CTNND2: variants seen among roughly 807,000 people sequenced by gnomAD.
CTNND2 encodes catenin delta 2.
A neutral mutation model predicts 144.4 loss-of-function variants in CTNND2; 22 were observed. The observed-to-expected ratio is 0.15, with a 90% CI of 0.11 to 0.22. The LOEUF (loss-of-function observed/expected upper bound fraction) is 0.22, where lower values mean the gene tolerates loss of function less well. CTNND2 is among the 10% of genes least tolerant of loss of function. The pLI is 1.00. For missense variants in CTNND2, 1,353 were observed against 1,618.8 expected, an observed-to-expected ratio of 0.84 and a Z score of 2.82; for synonymous variants, 751 against 695.6, an observed-to-expected ratio of 1.08 and a Z score of -1.25.
intron 12 of CTNND2, among the ~76,000 whole-genome samples, chr5:11,128,803 ATACAAT>A (rs1319050927): frequency 5.4e-5 from 1 of 18,496 alleles, no homozygotes; most frequent in African/African-American, 1.7e-4. Flanking sequence ...TATTATATAT[ATACAAT>A]ATATATAATA....
rs1189094625 is a variant in CTNND2 at position 11,128,981 on chromosome 5, AT to A, written c.2160-11415del. The stretch of plus-strand genomic sequence containing the variant: ...AATATATATAATATATAATATATAA[AT>A]ATATATAATATATAATATATAAATA... On this transcript the variant is annotated intron_variant, in intron 12 of 21. Coordinates refer to ENST00000304623, the MANE Select transcript of CTNND2 (RefSeq NM_001332.4). Among the ~76,000 whole-genome samples the A allele has an allele frequency of 9.0e-3, 290 of 32,100 alleles. 45 individuals carry two copies. The highest frequency in any genetic ancestry group is 0.014 in the Admixed American group (20 of 1,386). 21.1% of individuals were successfully genotyped at this position (32,100 alleles called of 152,430 possible).
At chr5:11,823,367 G>T (rs1368434136) in intron 1 of CTNND2, among the ~76,000 whole-genome samples, 2 of 152,144 alleles carry the variant, frequency 1.3e-5, no homozygotes, top group Admixed American at 6.5e-5. Context: ...ATCACGAATT[G>T]TATTGACTCA....
At chr5:11,725,601 G>A (rs147333882) in intron 2 of CTNND2, among the ~76,000 whole-genome samples, 1,784 of 152,186 alleles carry the variant, frequency 0.012, 18 homozygotes, top group Non-Finnish European at 0.018. Flanking sequence ...GTGTAGTGTA[G>A]TGGGGGGGAA....
chr5:11,513,487 G>A (rs1771848423), intron 3 of CTNND2, among the ~76,000 whole-genome samples: 1 of 152,042 alleles, frequency 6.6e-6, no homozygotes, highest in Admixed American at 6.6e-5. Flanking sequence ...CTATTCTCAG[G>A]TTCCTACGCT....
At chr5:11,082,237 A>G (rs1252884911) in intron 16 of CTNND2, among the ~76,000 whole-genome samples, 1 of 152,234 alleles carries the variant, frequency 6.6e-6, no homozygotes, top group Non-Finnish European at 1.5e-5. Context: ...CCTTATTAAT[A>G]AAAGATCCTC....
chr5:11,784,246 T>A (rs7444368), intron 1 of CTNND2, among the ~76,000 whole-genome samples: 130,786 of 152,220 alleles, frequency 0.86, 59,016 homozygotes, highest in South Asian at 0.99. Context: ...GGAATTCAAA[T>A]GGACAATGGG....
intron 1 of CTNND2, among the ~76,000 whole-genome samples, chr5:11,877,778 C>T (rs1025993853): frequency 6.6e-6 from 1 of 151,926 alleles, no homozygotes; most frequent in African/African-American, 2.4e-5. Context: ...CTCTTTAAGA[C>T]AAAATATAAG....
chr5:11,146,043 T>A (rs569777251), intron 12 of CTNND2, among the ~76,000 whole-genome samples: 1 of 152,154 alleles, frequency 6.6e-6, no homozygotes, highest in Non-Finnish European at 1.5e-5. Context: ...CATGGTTCCA[T>A]CCCCAGGAGC....
chr5:11,513,715 C>T (rs926938213), intron 3 of CTNND2, among the ~76,000 whole-genome samples: 3 of 151,980 alleles, frequency 2.0e-5, no homozygotes, highest in East Asian at 1.9e-4. Flanking sequence ...TCTTTAAGTA[C>T]GTCTTAATTT....
At chr5:11,474,833 G>A (rs192682790) in intron 3 of CTNND2, among the ~76,000 whole-genome samples, 12 of 152,214 alleles carry the variant, frequency 7.9e-5, no homozygotes, top group Middle Eastern at 3.4e-3. Flanking sequence ...AGCACTTGTC[G>A]TCATTATTAC....
intron 11 of CTNND2, among the ~76,000 whole-genome samples, chr5:11,168,978 T>C (rs1759630154): frequency 6.6e-6 from 1 of 152,212 alleles, no homozygotes; most frequent in Non-Finnish European, 1.5e-5. Context: ...TGTTAGACCA[T>C]GCTGAGACTG....
chr5:11,560,584 A>T (rs868536161), intron 3 of CTNND2, among the ~76,000 whole-genome samples: 1 of 152,196 alleles, frequency 6.6e-6, no homozygotes, highest in African/African-American at 2.4e-5. Context: ...CTTATGGTAA[A>T]GTCAATGGAG....
At chr5:11,779,165 G>A (rs565936281) in intron 1 of CTNND2, among the ~76,000 whole-genome samples, 5 of 152,264 alleles carry the variant, frequency 3.3e-5, no homozygotes, top group Non-Finnish European at 7.4e-5. Flanking sequence ...AAGAGGCAAG[G>A]AAAATCAGAA....
At chr5:10,990,865 C>T (rs1738598067) in intron 19 of CTNND2, among the ~76,000 whole-genome samples, 1 of 152,226 alleles carries the variant, frequency 6.6e-6, no homozygotes, top group Non-Finnish European at 1.5e-5. Context: ...CGAGAAAAGG[C>T]TGCTTCTCTC....
At chr5:11,646,388 C>T (rs185097784) in intron 2 of CTNND2, among the ~76,000 whole-genome samples, 7 of 152,274 alleles carry the variant, frequency 4.6e-5, no homozygotes, top group East Asian at 3.9e-4. Flanking sequence ...GACAGCAAAG[C>T]TGGGATTCAT....
chr5:11,759,761 C>T (rs1422800691), intron 1 of CTNND2, among the ~76,000 whole-genome samples: 7 of 152,056 alleles, frequency 4.6e-5, no homozygotes, highest in Non-Finnish European at 4.4e-5. Flanking sequence ...TTCTAAGCTC[C>T]TCCAGTACTG....
chr5:11,205,220 C>T (rs1737921022), intron 10 of CTNND2, among the ~76,000 whole-genome samples: 1 of 152,042 alleles, frequency 6.6e-6, no homozygotes, highest in Admixed American at 6.5e-5. Context: ...CACACATACA[C>T]ATATATAGTA....
At chr5:11,731,453 G>A (rs1434371431) in intron 2 of CTNND2, among the ~76,000 whole-genome samples, 5 of 152,044 alleles carry the variant, frequency 3.3e-5, no homozygotes, top group South Asian at 2.1e-4. Flanking sequence ...TTTAAAAACC[G>A]TTATACTTTC....
intron 9 of CTNND2, among the ~76,000 whole-genome samples, chr5:11,332,044 G>A (rs1753196417): frequency 6.6e-6 from 1 of 152,106 alleles, no homozygotes; most frequent in Non-Finnish European, 1.5e-5. Context: ...GGGAGGCTGA[G>A]GTGGGCGGAT....
Sources: gnomAD v4.1 joint callset for allele counts (sites outside exome capture counted in the v4.1 genomes callset) on GRCh38, gnomAD v4.1.1 for gene constraint, MANE v1.5 for transcripts, NCBI Gene and HGNC (gene_info 2026-07-23, HGNC 2026-07-21) for gene names.